DENND10: variants seen among roughly 807,000 people sequenced by gnomAD.
DENND10 encodes the protein DENN domain containing 10, also known as DENN domain-containing protein 10.
DENND10 carries 24 observed loss-of-function variants against 43.6 expected under a neutral mutation model. The observed-to-expected ratio is 0.55, with a 90% CI of 0.40 to 0.77. The LOEUF is 0.77. DENND10 is among the 30% of genes least tolerant of loss of function. The pLI, the probability that DENND10 is intolerant of heterozygous loss-of-function variation, is 0.00. For synonymous variants in DENND10, 125 were observed against 157.6 expected (o/e 0.79, Z 1.55); for missense variants, 303 against 429.9 (o/e 0.70, Z 2.61).
At chr10:119,104,806 C>A (rs373114542) in intron 1 of DENND10, 1 of 152,512 alleles carries the variant, frequency 6.6e-6, no homozygotes, top group Non-Finnish European at 1.5e-5. Context: ...GTCTGACGCC[C>A]ACTTCACGGA....
intron 1 of DENND10, among the ~76,000 whole-genome samples, chr10:119,107,567 A>C (rs7073455): frequency 1 from 151,463 of 152,006 alleles, 75,464 homozygotes; most frequent in East Asian, 1. Context: ...CCACACCCGG[A>C]TAATTTTTGT....
chr10:119,135,818 C>CAAAAAAAAAAAAAAAAAAAAAAAAAAAA (rs1174927246), intron 8 of DENND10, among the ~76,000 whole-genome samples: 4 of 76,484 alleles, frequency 5.2e-5, no homozygotes, highest in African/African-American at 9.6e-5. Flanking sequence ...AAAAAAAAAC[C>CAAAAAAAAAAAAAAAAAAAAAAAAAAAA]AAAACCACAC....
intron 2 of DENND10, among the ~76,000 whole-genome samples, chr10:119,110,526 C>T (rs1327883258): frequency 2.0e-5 from 3 of 152,036 alleles, no homozygotes; most frequent in African/African-American, 2.4e-5. Flanking sequence ...GACAAAATCT[C>T]GGCTCACTGC....
At chr10:119,127,065 A>C (rs2133515783) in intron 6 of DENND10, among the ~76,000 whole-genome samples, 1 of 148,890 alleles carries the variant, frequency 6.7e-6, no homozygotes, top group East Asian at 2.0e-4. Flanking sequence ...TGCCTGGCTA[A>C]TTTTTGTATT....
At chr10:119,115,480 C>T (rs1158883413) in intron 3 of DENND10, among the ~76,000 whole-genome samples, 21 of 102,290 alleles carry the variant, frequency 2.1e-4, no homozygotes, top group African/African-American at 5.3e-4. Flanking sequence ...CTCCGCCTCC[C>T]GGGTTCACGC....
In DENND10 at chr10:119,132,393, A is replaced by G. The variant is rs376129768; in HGVS notation, c.803-122A>G. 1.4e-5 allele frequency: 10 copies of G among 738,942 alleles called. No individual in the cohort carries two copies. The East Asian group carries it at 1.7e-4, about 13-fold the overall frequency. 45.8% of individuals were successfully genotyped at this position (738,942 alleles called of 1,614,324 possible). A position where few individuals can be genotyped will look rare whatever the true frequency, so the allele number is the denominator to read the frequency against. On this transcript the variant is annotated intron_variant, in intron 7 of 8. Transcript: ENST00000361432. The surrounding 1 kb of genome is among the most constrained non-coding windows in gnomAD (Gnocchi z 4.2). ...ATTTGTGTCTAGTGATAAAATGGAC[A>G]TGTGGGAGGTTATCAGCTGCTTTTT... is the stretch of plus-strand genomic sequence containing the variant.
At chr10:119,115,963 C>T (rs939296608) in intron 3 of DENND10, among the ~76,000 whole-genome samples, 1 of 151,914 alleles carries the variant, frequency 6.6e-6, no homozygotes, top group Admixed American at 6.6e-5. Context: ...AGCGTTTCAC[C>T]GTGTTGCCCG....
chr10:119,109,604 T>A (rs117140125), intron 2 of DENND10, among the ~76,000 whole-genome samples: 1 of 151,506 alleles, frequency 6.6e-6, no homozygotes, highest in East Asian at 1.9e-4. Context: ...TTACAAAATA[T>A]AAATTTGCAA....
Position 119,124,371 on chromosome 10 carries a change from C to CAA in DENND10, c.694+821_694+822dup, listed in dbSNP as rs1175412178. 3.5e-3 allele frequency among the ~76,000 whole-genome samples: 369 copies of CAA among 104,818 alleles called. 1 individual carries two copies. Among genetic ancestry groups the CAA allele is most frequent in the Middle Eastern group, 0.016 (3 of 186 alleles). 68.8% of individuals were successfully genotyped at this position (104,818 alleles called of 152,430 possible). ...GGAAACCGTATCTCTACTAAAATAC[C>CAA]AAAAAAAAAAAAAAAAAAAATTAGC... is the stretch of plus-strand genomic sequence containing the variant. On this transcript the variant is annotated intron_variant, in intron 6 of 8. Transcript: ENST00000361432.
chr10:119,112,519 G>T (rs1465125954), intron 3 of DENND10, among the ~76,000 whole-genome samples: 1 of 144,106 alleles, frequency 6.9e-6, no homozygotes, highest in African/African-American at 2.6e-5. Context: ...TTGAGACAGG[G>T]TCTCACTCTG....
chr10:119,108,647 T>C (rs749171746), intron 2 of DENND10, among the ~76,000 whole-genome samples: 49 of 152,004 alleles, frequency 3.2e-4, no homozygotes, highest in Admixed American at 7.2e-4. Flanking sequence ...TGTGGTCTTT[T>C]CCCCTTTTTT....
rs775747207 is a variant in DENND10, at chr10:119,104,163, G to T, written c.21G>T (p.Ala7=). Residue 7 remains alanine, a synonymous_variant, in exon 1 of 9, where the codon GCG becomes GCT. Coordinates refer to ENST00000361432, the MANE Select transcript of DENND10 (RefSeq NM_207009.4). ...GGAAGATGGCTGCGGCCGAGGTGGC[G>T]GACACTCAGCTGATGCTTGGAGTCG... MAAAEV[A]DTQLMLGVGL... 2 of 1,521,806 alleles carry T rather than the reference G, an allele frequency of 1.3e-6. No individual in the cohort carries two copies. Among genetic ancestry groups the T allele is most frequent in the East Asian group, 2.7e-5 (1 of 37,426 alleles). The allele number at this position is 1,521,806 out of a possible 1,614,324, so 94.3% of individuals were successfully genotyped here.
At chr10:119,110,590 G>A (rs1028598132) in intron 2 of DENND10, among the ~76,000 whole-genome samples, 1 of 152,044 alleles carries the variant, frequency 6.6e-6, no homozygotes, top group Non-Finnish European at 1.5e-5. Flanking sequence ...CCGAGTAGCT[G>A]GGATTATAGG....
At chr10:119,111,667 A>T (rs932743910) in intron 2 of DENND10, among the ~76,000 whole-genome samples, 182 bp from the exon 3 acceptor site, 14 of 152,192 alleles carry the variant, frequency 9.2e-5, no homozygotes, top group African/African-American at 3.4e-4. Context: ...TTCAATATAT[A>T]TGTATATGTA....
At chr10:119,121,924 T>A (rs1302456275) in intron 5 of DENND10, among the ~76,000 whole-genome samples, 1 of 152,160 alleles carries the variant, frequency 6.6e-6, no homozygotes, top group Non-Finnish European at 1.5e-5. Context: ...AGTATAGGTA[T>A]AAGGTAATGA....
chr10:119,123,553 C>G lies in DENND10; in HGVS notation c.678C>G (p.Ala226=), dbSNP rs1156562871. 5 of 1,613,214 alleles carry G rather than the reference C, an allele frequency of 3.1e-6. No homozygotes were observed. Among genetic ancestry groups the G allele is most frequent in the Non-Finnish European group, 4.2e-6 (5 of 1,179,236 alleles). ...YVHLNADELE[A]LQMCTGYVAG... is the part of the protein sequence containing the mutation. ...ACCTCAACGCCGATGAGCTGGAAGC[C>G]CTGCAGATGTGCACAGGTAGACAAG... Residue 226 remains alanine (A), a synonymous_variant, in exon 6 of 9, where the codon GCC becomes GCG. Coordinates refer to ENST00000361432, the MANE Select transcript of DENND10 (RefSeq NM_207009.4).
intron 3 of DENND10, chr10:119,114,383 A>C (rs1245121868): frequency 2.0e-5 from 3 of 152,146 alleles, no homozygotes; most frequent in African/African-American, 7.2e-5. Flanking sequence ...TCTGGTGAGG[A>C]GCAGGCAGGC....
chr10:119,117,351 G>A (rs985281024), intron 3 of DENND10, among the ~76,000 whole-genome samples, 168 bp from the exon 4 acceptor site: 8 of 151,950 alleles, frequency 5.3e-5, no homozygotes, highest in South Asian at 2.1e-4. Context: ...CAGCCCGGGC[G>A]ACAGAGTGAG....
chr10:119,121,285 A>G (rs1358388708), intron 5 of DENND10, among the ~76,000 whole-genome samples: 1 of 115,584 alleles, frequency 8.7e-6, no homozygotes, highest in East Asian at 2.6e-4. Context: ...GTCCTTTTAA[A>G]TTTTTTTCAT....
Sources: allele counts gnomAD v4.1 joint callset (sites outside exome capture counted in the v4.1 genomes callset), GRCh38; gene constraint gnomAD v4.1.1; non-coding constraint Gnocchi (gnomAD v3.1); transcripts MANE v1.5; gene names NCBI Gene and HGNC (gene_info 2026-07-23, HGNC 2026-07-21).